PIK3C2A: variants seen among roughly 807,000 people sequenced by gnomAD.
PIK3C2A encodes phosphatidylinositol-4-phosphate 3-kinase catalytic subunit type 2 alpha.
PIK3C2A carries 97 observed loss-of-function variants against 204.5 expected under a neutral mutation model. The observed-to-expected ratio is 0.47, with a 90% confidence interval of 0.40 to 0.56. The LOEUF (loss-of-function observed/expected upper bound fraction) is 0.56. Ranked by LOEUF, PIK3C2A falls within the 20% of genes least tolerant of loss-of-function variation. PIK3C2A has a pLI of 0.00. For synonymous variants in PIK3C2A, 653 were observed against 664.4 expected (o/e 0.98, Z 0.26); for missense variants, 1,735 against 1,969.2 (o/e 0.88, Z 2.25).
chr11:17,165,636 G>A lies in PIK3C2A; in HGVS notation c.1065+3041C>T, dbSNP rs371469728. ...ACTAAAAATACAAAATTAGCCGGTC[G>A]TGGTGGTGCATGACTGTAATCCCAG... On this transcript the variant is annotated intron_variant, in intron 2 of 32. Coordinates refer to ENST00000691414, the MANE Select transcript of PIK3C2A (RefSeq NM_002645.4). Among the ~76,000 whole-genome samples the A allele has an allele frequency of 1.5e-4, 23 of 151,998 alleles. No homozygotes were observed. The East Asian group carries it at 2.3e-3, about 15-fold the overall frequency.
Position 17,087,003 on chromosome 11 carries a change from G to A in PIK3C2A, c.*2735C>T, listed in dbSNP as rs548255605. ...TAGATACCTATAGATTCATATAAAG[G>A]CAGTAATAAAAATATCAGTGCAAGT... On this transcript the variant is annotated 3_prime_UTR_variant, in exon 33 of 33. Transcript: ENST00000691414. The A allele has an allele frequency of 6.6e-6, 1 of 152,214 alleles. No individual in the cohort carries two copies. The highest frequency in any genetic ancestry group is 1.5e-5 in the Non-Finnish European group (1 of 67,998). The allele number at this position is 152,214 out of a possible 1,614,324, so 9.4% of individuals were successfully genotyped here. A position where few individuals can be genotyped will look rare whatever the true frequency, so the allele number is the denominator to read the frequency against.
intron 1 of PIK3C2A, among the ~76,000 whole-genome samples, chr11:17,174,707 T>C (rs1851284842): frequency 6.6e-6 from 1 of 151,930 alleles, no homozygotes; most frequent in South Asian, 2.1e-4. Context: ...AAGACCAGCC[T>C]GGCCAACATG....
chr11:17,133,484 A>C, intron 11 of PIK3C2A, among the ~76,000 whole-genome samples: 1 of 152,302 alleles, frequency 6.6e-6, no homozygotes, highest in East Asian at 1.9e-4. Context: ...TTAAGTCACT[A>C]AATTATTATA....
At chr11:17,196,061 G>T (rs1486451726) in intron 1 of PIK3C2A, among the ~76,000 whole-genome samples, 1 of 150,290 alleles carries the variant, frequency 6.7e-6, no homozygotes, top group Non-Finnish European at 1.5e-5. Context: ...GAAAAGAAAA[G>T]AAAAAAGAAA....
At chr11:17,172,374 A>G (rs1197879169) in intron 1 of PIK3C2A, among the ~76,000 whole-genome samples, 1 of 152,200 alleles carries the variant, frequency 6.6e-6, no homozygotes, top group African/African-American at 2.4e-5. Flanking sequence ...GAGAGGGGCC[A>G]GCTAACAGCC....
Position 17,094,297 on chromosome 11 carries a change from T to C in PIK3C2A, c.4415A>G (p.Lys1472Arg). Residue 1472 changes from lysine (K) to arginine (R), a missense_variant, in exon 28 of 33, where the codon AAG (lysine) becomes AGG (arginine). Coordinates refer to ENST00000691414, the MANE Select transcript of PIK3C2A (RefSeq NM_002645.4). ...CCAAAGTGGAAAAATAATACTGAGC[T>C]TATTGTGAAGTTCCTGAAATTCGTC... ...TFDEFQELHN[K>R]LSIIFPLWKL... The C allele has an allele frequency of 6.2e-7, 1 of 1,610,674 alleles. No individual in the cohort carries two copies. The highest frequency in any genetic ancestry group is 8.5e-7 in the Non-Finnish European group (1 of 1,176,856).
chr11:17,109,416 A>G (rs530831204), intron 22 of PIK3C2A, among the ~76,000 whole-genome samples: 163 of 152,376 alleles, frequency 1.1e-3, no homozygotes, highest in African/African-American at 3.7e-3. Flanking sequence ...CACATAATAC[A>G]TATCAGATAT....
In PIK3C2A at chr11:17,110,547, A is replaced by G; in HGVS notation, c.3429T>C (p.Leu1143=). Residue 1143 remains leucine (L), a synonymous_variant, in exon 22 of 33, where the codon CTT becomes CTC. Coordinates refer to ENST00000691414, the MANE Select transcript of PIK3C2A (RefSeq NM_002645.4). The stretch of plus-strand genomic sequence containing the variant: ...TCTGTAAAGCTAACATATCTTGCCG[A>G]AGATCTTCACCAACCTTGAAATCAA... The part of the protein sequence containing the change: ...INVMFKVGED[L]RQDMLALQMI... 6.2e-7 allele frequency: 1 copy of G among 1,609,994 alleles called. No individual in the cohort carries two copies. Among genetic ancestry groups the G allele is most frequent in the Non-Finnish European group, 8.5e-7 (1 of 1,178,524 alleles).
intron 21 of PIK3C2A, among the ~76,000 whole-genome samples, chr11:17,112,009 C>A (rs1214204732): frequency 6.7e-6 from 1 of 150,322 alleles, no homozygotes; most frequent in Non-Finnish European, 1.5e-5. Flanking sequence ...GAGTTCAAAA[C>A]CAGATGTGAG....
intron 13 of PIK3C2A, 62 bp from the exon 14 acceptor site, chr11:17,122,875 C>A: frequency 1.4e-6 from 1 of 713,324 alleles, no homozygotes; most frequent in Non-Finnish European, 2.4e-6. Flanking sequence ...AAATTTACAA[C>A]ACATGTAATG....
intron 1 of PIK3C2A, among the ~76,000 whole-genome samples, chr11:17,179,214 T>A (rs973961152): frequency 2.0e-5 from 3 of 152,144 alleles, no homozygotes; most frequent in African/African-American, 7.2e-5. Flanking sequence ...CAGGCTGAAG[T>A]GCAGCGGCTC....
intron 13 of PIK3C2A, among the ~76,000 whole-genome samples, chr11:17,126,732 A>C (rs553976033): frequency 5.3e-5 from 8 of 152,308 alleles, no homozygotes; most frequent in African/African-American, 1.4e-4. Flanking sequence ...TGGCAGTCTC[A>C]AGCTTAATAC....
In PIK3C2A at chr11:17,145,618, A is replaced by T. The variant is rs993362414; in HGVS notation, c.1704+50T>A. ...CCAACACTACCATTTAAGAGAAAGA[A>T]GCAGCAAGAATCTTTAAGTCATTAT... On this transcript the variant is annotated intron_variant, in intron 8 of 32. Coordinates refer to ENST00000691414, the MANE Select transcript of PIK3C2A (RefSeq NM_002645.4). The T allele has an allele frequency of 3.8e-6, 4 of 1,043,704 alleles. No individual in the cohort carries two copies. The African/African-American group carries it at 6.4e-5, about 17-fold the overall frequency. 64.7% of individuals were successfully genotyped at this position (1,043,704 alleles called of 1,614,324 possible).
chr11:17,149,593 T>C (rs541959032), intron 4 of PIK3C2A, among the ~76,000 whole-genome samples: 3 of 152,162 alleles, frequency 2.0e-5, no homozygotes, highest in Non-Finnish European at 2.9e-5. Context: ...CAATGAAAAA[T>C]AAAAATACAG....
Position 17,119,750 on chromosome 11 carries a change from C to T in PIK3C2A, c.2846+36G>A, listed in dbSNP as rs1565254631. On this transcript the variant is annotated intron_variant, in intron 16 of 32. Coordinates refer to ENST00000691414, the MANE Select transcript of PIK3C2A (RefSeq NM_002645.4). ...CAACATACCTTACTGGAAAAACTGA[C>T]AATAAAACAAGAGCAAATAAATGTA... The T allele has an allele frequency of 9.0e-6, 12 of 1,340,372 alleles. No individual in the cohort carries two copies. In the South Asian group the frequency reaches 1.5e-4, roughly 17 times the overall value. 83.0% of individuals were successfully genotyped at this position (1,340,372 alleles called of 1,614,324 possible).
At chr11:17,136,394 G>T (rs894655306) in intron 9 of PIK3C2A, 88 bp downstream of exon 9, 4 of 978,302 alleles carry the variant, frequency 4.1e-6, no homozygotes, top group Non-Finnish European at 6.3e-6. Context: ...AAGTTAAAAT[G>T]ACAATATTTT....
intron 1 of PIK3C2A, among the ~76,000 whole-genome samples, chr11:17,175,706 A>C (rs1013183033): frequency 2.0e-5 from 3 of 152,212 alleles, no homozygotes; most frequent in Admixed American, 6.5e-5. Flanking sequence ...GTGGGTAATT[A>C]AACTATTTAG....
intron 2 of PIK3C2A, among the ~76,000 whole-genome samples, chr11:17,166,723 GT>G (rs1264434336): frequency 6.6e-6 from 1 of 152,168 alleles, no homozygotes; most frequent in African/African-American, 2.4e-5. Flanking sequence ...CCCAATGTCT[GT>G]CTCCAGGTTC....
intron 1 of PIK3C2A, among the ~76,000 whole-genome samples, chr11:17,195,990 G>C (rs986783982): frequency 2.7e-5 from 4 of 149,062 alleles, no homozygotes; most frequent in Non-Finnish European, 4.5e-5. Context: ...AGTGAGCCGA[G>C]ATAGTGCCAC....
Sources: allele counts gnomAD v4.1 joint callset (sites outside exome capture counted in the v4.1 genomes callset), GRCh38; gene constraint gnomAD v4.1.1; transcripts MANE v1.5; gene names NCBI Gene and HGNC (gene_info 2026-07-23, HGNC 2026-07-21).